Variants in APBA1 observed in about 807,000 individuals in gnomAD.
APBA1 encodes the protein amyloid-beta A4 precursor protein-binding family A member 1.
APBA1 carries 55 observed loss-of-function variants against 86.6 expected under a neutral mutation model. That is an observed-to-expected ratio of 0.64 (90% CI 0.51 to 0.80). The LOEUF (loss-of-function observed/expected upper bound fraction) is 0.80. APBA1 is among the 30% of genes least tolerant of loss of function. The pLI is 0.00. For missense variants in APBA1, 1,090 were observed against 1,183.0 expected (o/e 0.92, Z 1.15); for synonymous variants, 511 against 493.9 (o/e 1.03, Z -0.46).
intron 2 of APBA1, among the ~76,000 whole-genome samples, chr9:69,501,793 A>T (rs938527468): frequency 2.0e-4 from 31 of 151,972 alleles, no homozygotes; most frequent in Admixed American, 1.9e-3. Context: ...GTATCCTTGC[A>T]CTCTAGCCTC....
intron 1 of APBA1, among the ~76,000 whole-genome samples, chr9:69,646,521 T>C (rs989473391): frequency 7.0e-6 from 1 of 143,288 alleles, no homozygotes; most frequent in Admixed American, 6.9e-5. Context: ...ACTCCCACCC[T>C]ACTCCTCAAC....
chr9:69,573,403 A>G (rs549968828), intron 1 of APBA1, among the ~76,000 whole-genome samples: 4 of 152,312 alleles, frequency 2.6e-5, no homozygotes, highest in African/African-American at 9.6e-5. Flanking sequence ...TCAAGGCTGC[A>G]ATGAGCCATG....
At chr9:69,642,389 G>A (rs1179011023) in intron 1 of APBA1, among the ~76,000 whole-genome samples, 1 of 152,130 alleles carries the variant, frequency 6.6e-6, no homozygotes, top group East Asian at 1.9e-4. Context: ...AGTCATCAGG[G>A]AAATGCAATG....
chr9:69,511,799 C>G (rs924771918), intron 2 of APBA1, among the ~76,000 whole-genome samples: 1 of 151,906 alleles, frequency 6.6e-6, no homozygotes, highest in South Asian at 2.1e-4. Context: ...TGGAAATCAT[C>G]ATTCTCAGTA....
chr9:69,638,057 T>C (rs1239777605), intron 1 of APBA1, among the ~76,000 whole-genome samples: 1 of 152,240 alleles, frequency 6.6e-6, no homozygotes, highest in East Asian at 1.9e-4. Context: ...TGGCAACCTC[T>C]GAATATGGTG....
intron 1 of APBA1, among the ~76,000 whole-genome samples, chr9:69,644,719 CTG>C (rs1269966540): frequency 2.6e-5 from 4 of 152,164 alleles, no homozygotes; most frequent in Non-Finnish European, 5.9e-5. Context: ...CTGTGGAAAA[CTG>C]TGAACTCATG....
At chr9:69,621,216 G>C (rs953057193) in intron 1 of APBA1, among the ~76,000 whole-genome samples, 1 of 152,184 alleles carries the variant, frequency 6.6e-6, no homozygotes, top group Non-Finnish European at 1.5e-5. Flanking sequence ...TGGCCATCTA[G>C]TCATCTTGAT....
chr9:69,548,494 C>T (rs1312056047), intron 1 of APBA1, among the ~76,000 whole-genome samples: 3 of 152,186 alleles, frequency 2.0e-5, no homozygotes, highest in Non-Finnish European at 4.4e-5. Context: ...GCAGAGGCTG[C>T]AAGCTCTTCC....
At chr9:69,504,251 T>G (rs935137419) in intron 2 of APBA1, among the ~76,000 whole-genome samples, 2 of 152,106 alleles carry the variant, frequency 1.3e-5, no homozygotes, top group African/African-American at 4.8e-5. Context: ...AATCTGGAAG[T>G]TCATGTGTTC....
intron 1 of APBA1, among the ~76,000 whole-genome samples, chr9:69,668,650 T>C (rs1431394111): frequency 1.3e-5 from 2 of 152,234 alleles, no homozygotes; most frequent in Non-Finnish European, 2.9e-5. Context: ...ACTCCTTAGC[T>C]TGGCGTACAA....
intron 1 of APBA1, among the ~76,000 whole-genome samples, chr9:69,645,981 A>C (rs1823383509): frequency 6.6e-6 from 1 of 152,290 alleles, no homozygotes; most frequent in African/African-American, 2.4e-5. Context: ...AAAACCATAA[A>C]TGTTTTGTTT....
chr9:69,450,823 CAAAA>C, intron 9 of APBA1, among the ~76,000 whole-genome samples: 1 of 141,076 alleles, frequency 7.1e-6, no homozygotes, highest in Non-Finnish European at 1.6e-5. Context: ...TCATGGGTAT[CAAAA>C]AAAAAAAGAG....
chr9:69,633,564 G>T (rs147798520), intron 1 of APBA1, among the ~76,000 whole-genome samples: 336 of 152,260 alleles, frequency 2.2e-3, no homozygotes, highest in African/African-American at 7.6e-3. Flanking sequence ...TTTCATTCAG[G>T]TAAATGTTAT....
chr9:69,468,089 G>T, intron 4 of APBA1, 121 bp from the exon 5 acceptor site: 2 of 1,159,672 alleles, frequency 1.7e-6, no homozygotes, highest in Non-Finnish European at 1.2e-6. Context: ...GAGCCAACCT[G>T]CTGGTCTGAG....
chr9:69,600,501 G>GT (rs1822326202), intron 1 of APBA1, among the ~76,000 whole-genome samples: 1 of 152,066 alleles, frequency 6.6e-6, no homozygotes, highest in South Asian at 2.1e-4. Context: ...GAGTCTCTTC[G>GT]TTTTTAAAAT....
chr9:69,502,092 G>C (rs1835887977), intron 2 of APBA1, among the ~76,000 whole-genome samples: 1 of 152,088 alleles, frequency 6.6e-6, no homozygotes, highest in African/African-American at 2.4e-5. Context: ...GATTCCTCTT[G>C]GGAGAGGGGT....
chr9:69,469,073 C>G (rs570437194), intron 4 of APBA1, among the ~76,000 whole-genome samples: 1 of 152,140 alleles, frequency 6.6e-6, no homozygotes, highest in East Asian at 1.9e-4. Context: ...GTTGCCCAGG[C>G]TGGTCTTGGA....
chr9:69,659,901 C>A (rs1255847857), intron 1 of APBA1, among the ~76,000 whole-genome samples: 1 of 152,150 alleles, frequency 6.6e-6, no homozygotes, highest in Non-Finnish European at 1.5e-5. Context: ...CAACAGAAAG[C>A]TGACTTAATT....
chr9:69,487,125 T>C (rs1429143113), intron 2 of APBA1, among the ~76,000 whole-genome samples: 5 of 151,968 alleles, frequency 3.3e-5, no homozygotes, highest in Non-Finnish European at 5.9e-5. Context: ...TGAACAACAT[T>C]CTATTCTAGA....
Sources: allele counts gnomAD v4.1 joint callset (sites outside exome capture counted in the v4.1 genomes callset), GRCh38; gene constraint gnomAD v4.1.1; transcripts MANE v1.5; gene names NCBI Gene and HGNC (gene_info 2026-07-23, HGNC 2026-07-21).